The following TPD52 variants were observed in gnomAD, a reference collection of about 807,000 sequenced individuals.
TPD52 encodes the protein tumor protein D52.
A neutral mutation model predicts 31.3 loss-of-function variants in TPD52; 17 were observed. The ratio of observed to expected loss-of-function variants is 0.54; its 90% CI spans 0.37 to 0.82. The LOEUF is 0.82. TPD52 is among the 40% of genes least tolerant of loss of function. The probability of loss-of-function intolerance (pLI) is 0.00; values close to 1 mark genes in which losing one functional copy is unlikely to be tolerated. For missense variants in TPD52, 212 were observed against 240.1 expected (o/e 0.88, Z 0.77); for synonymous variants, 83 against 89.6 (o/e 0.93, Z 0.42).
chr8:80,138,669 A>C (rs543469333), intron 1 of TPD52, among the ~76,000 whole-genome samples: 1 of 152,304 alleles, frequency 6.6e-6, no homozygotes, highest in Non-Finnish European at 1.5e-5. Context: ...AACTGCTCAG[A>C]TCCAGGCCTG....
rs149376333 is a variant in TPD52 at position 80,056,916 on chromosome 8, C to A, written c.136-3486G>T. On this transcript the variant is annotated intron_variant, in intron 2 of 7. Transcript: ENST00000518937. ...GGGTGCAATGGCTCACGGCTGTAATCCCAGCACTTTGGGAGGCCAAGGTGG... is the reference window on the plus strand; with the variant it reads ...GGGTGCAATGGCTCACGGCTGTAATACCAGCACTTTGGGAGGCCAAGGTGG... Among the ~76,000 whole-genome samples, 1,345 of 152,280 alleles carry A rather than the reference C, an allele frequency of 8.8e-3. 25 individuals carry two copies. Among genetic ancestry groups the A allele is most frequent in the African/African-American group, 0.031 (1,281 of 41,554 alleles).
At chr8:80,139,907 G>A (rs917241674) in intron 1 of TPD52, among the ~76,000 whole-genome samples, 4 of 152,074 alleles carry the variant, frequency 2.6e-5, no homozygotes, top group South Asian at 4.1e-4. Context: ...GACCCCACCC[G>A]GCTCTTCTGA....
intron 1 of TPD52, among the ~76,000 whole-genome samples, chr8:80,149,586 GA>G (rs1261323413): frequency 1.3e-5 from 2 of 152,242 alleles, no homozygotes; most frequent in Non-Finnish European, 2.9e-5. Context: ...GGGCTCAGAA[GA>G]AGACAGGAAA....
Position 80,058,670 on chromosome 8 carries a change from C to T in TPD52, c.136-5240G>A, listed in dbSNP as rs563216776. On this transcript the variant is annotated intron_variant, in intron 2 of 7. Transcript: ENST00000518937. ...GAAATTAGCTGGGCATGGTGGCACACGCCTGTAGTCCCAGCTACTCAGGAG... is the reference window on the plus strand; with the variant it reads ...GAAATTAGCTGGGCATGGTGGCACATGCCTGTAGTCCCAGCTACTCAGGAG... Among the ~76,000 whole-genome samples the T allele has an allele frequency of 4.6e-5, 7 of 152,196 alleles. No individual in the cohort carries two copies. The South Asian group carries it at 1.0e-3, about 23-fold the overall frequency.
chr8:80,127,348 G>A (rs958809331), intron 1 of TPD52, among the ~76,000 whole-genome samples: 25 of 152,116 alleles, frequency 1.6e-4, no homozygotes, highest in African/African-American at 5.3e-4. Context: ...CTTCGTTCAC[G>A]TTCATGTATA....
chr8:80,046,790 A>G (rs1810902510), intron 5 of TPD52, among the ~76,000 whole-genome samples: 1 of 152,118 alleles, frequency 6.6e-6, no homozygotes, highest in East Asian at 1.9e-4. Flanking sequence ...TTTCAATCTC[A>G]CACTGCATTT....
At chr8:80,047,159 A>G (rs997905631) in intron 5 of TPD52, among the ~76,000 whole-genome samples, 1 of 152,194 alleles carries the variant, frequency 6.6e-6, no homozygotes, top group African/African-American at 2.4e-5. Flanking sequence ...GGGGAGGCCC[A>G]GGAGGACAGT....
intron 1 of TPD52, among the ~76,000 whole-genome samples, chr8:80,141,170 TCACGA>T (rs1809804885): frequency 6.6e-6 from 1 of 152,080 alleles, no homozygotes; most frequent in Admixed American, 6.5e-5. Context: ...TCCATGCAAC[TCACGA>T]CACATCAGCC....
At chr8:80,046,674 T>A (rs1280050012) in intron 5 of TPD52, among the ~76,000 whole-genome samples, 1 of 152,222 alleles carries the variant, frequency 6.6e-6, no homozygotes, top group East Asian at 1.9e-4. Flanking sequence ...GCATCTTATT[T>A]GTAACCCCCA....
At chr8:80,042,502 ATTTACAT>A in intron 7 of TPD52, 111 bp downstream of exon 7, 1 of 1,484,850 alleles carries the variant, frequency 6.7e-7, no homozygotes, top group Non-Finnish European at 8.9e-7. Context: ...GAGTAAAGTT[ATTTACAT>A]TCTTTAGATA....
chr8:80,170,927 C>A lies in TPD52; in HGVS notation c.19+498G>T, dbSNP rs900215513. 1.6e-5 allele frequency: 5 copies of A among 305,854 alleles called. No individual in the cohort carries two copies. The Admixed American group carries it at 2.4e-4, about 15-fold the overall frequency. The allele number at this position is 305,854 out of a possible 1,614,324, so 18.9% of individuals were successfully genotyped here. On this transcript the variant is annotated intron_variant, in intron 1 of 7. Coordinates refer to ENST00000518937, the MANE Select transcript of TPD52 (RefSeq NM_001025253.3). ...TATGATAAATATCTGCCTCCCAAAC[C>A]CCCCATGGGTCATACGCCACCAAAA...
chr8:80,046,161 G>A (rs1367434699), intron 5 of TPD52, among the ~76,000 whole-genome samples: 1 of 152,110 alleles, frequency 6.6e-6, no homozygotes, highest in East Asian at 1.9e-4. Context: ...ATAAGGAAAG[G>A]CAAGGAAGTG....
At chr8:80,033,318 T>TGG (rs1241495392), downstream of TPD52, 4 of 10,314 alleles carry the variant, frequency 3.9e-4, no homozygotes, top group East Asian at 2.3e-3. Context: ...GGAGGGGGGT[T>TGG]GGGGGGGGGA....
intron 1 of TPD52, among the ~76,000 whole-genome samples, chr8:80,119,602 G>C (rs967100907): frequency 1.6e-4 from 25 of 152,080 alleles, no homozygotes; most frequent in Admixed American, 3.3e-4. Flanking sequence ...ATGAGTTCAA[G>C]AAAAAGGGAT....
rs1306864479 is a variant in TPD52 at position 80,171,255 on chromosome 8, G to A, written c.19+170C>T. On this transcript the variant is annotated intron_variant, in intron 1 of 7. Transcript: ENST00000518937. ...CCCCCGCCAGAGCCGCTCCTTCCAGGGCCCCAGGATGCCAGATCCGGATCC... is the reference window on the plus strand; with the variant it reads ...CCCCCGCCAGAGCCGCTCCTTCCAGAGCCCCAGGATGCCAGATCCGGATCC... The A allele has an allele frequency of 1.8e-5, 15 of 843,834 alleles. No individual in the cohort carries two copies. In the East Asian group the frequency reaches 3.7e-4, roughly 21 times the overall value. 52.3% of individuals were successfully genotyped at this position (843,834 alleles called of 1,614,324 possible). A position where few individuals can be genotyped will look rare whatever the true frequency, so the allele number is the denominator to read the frequency against.
At chr8:80,064,707 C>A in intron 1 of TPD52, 114 bp from the exon 2 acceptor site, 1 of 765,212 alleles carries the variant, frequency 1.3e-6, no homozygotes, top group South Asian at 1.5e-5. Context: ...CCACACATCT[C>A]ATCTCTGGAT....
At chr8:80,056,417 TA>T (rs1299348111) in intron 2 of TPD52, among the ~76,000 whole-genome samples, 1 of 152,076 alleles carries the variant, frequency 6.6e-6, no homozygotes, top group Non-Finnish European at 1.5e-5. Flanking sequence ...GTCATGAAAG[TA>T]AAAGACAACC....
intron 1 of TPD52, among the ~76,000 whole-genome samples, chr8:80,079,935 T>C (rs1157217378): frequency 1.3e-5 from 2 of 152,192 alleles, no homozygotes; most frequent in Non-Finnish European, 2.9e-5. Flanking sequence ...TGCTTAACCA[T>C]CATTTTACTA....
At chr8:80,054,540 T>A (rs1811677165) in intron 2 of TPD52, among the ~76,000 whole-genome samples, 1 of 152,054 alleles carries the variant, frequency 6.6e-6, no homozygotes, top group Admixed American at 6.5e-5. Flanking sequence ...GAGAAATGCG[T>A]CTCCTGGCTT....
Sources: allele counts gnomAD v4.1 joint callset (sites outside exome capture counted in the v4.1 genomes callset), GRCh38; gene constraint gnomAD v4.1.1; transcripts MANE v1.5; gene names NCBI Gene and HGNC (gene_info 2026-07-23, HGNC 2026-07-21).